SF3B6: variants seen among roughly 807,000 people sequenced by gnomAD.
The protein encoded by SF3B6 is SF3b 14 kDa subunit.
Under a neutral mutation model 15.9 loss-of-function variants are expected in SF3B6, and 3 were observed. The ratio of observed to expected loss-of-function variants is 0.19; its 90% confidence interval spans 0.09 to 0.49. The LOEUF (loss-of-function observed/expected upper bound fraction) is 0.49. Among genes scored for constraint, SF3B6 ranks in the 20% least tolerant of loss-of-function variants. SF3B6 has a pLI of 0.97. For missense variants in SF3B6, 71 were observed against 154.3 expected, an observed-to-expected ratio of 0.46 and a Z score of 2.86; for synonymous variants, 49 against 51.1, an observed-to-expected ratio of 0.96 and a Z score of 0.18.
rs993438460 is a variant in SF3B6 at position 24,074,088 on chromosome 2, C to T, written c.137G>A (p.Arg46His). The T allele has an allele frequency of 1.0e-5, 16 of 1,570,744 alleles. No individual in the cohort carries two copies. The highest frequency in any genetic ancestry group is 5.1e-5 in the Admixed American group (3 of 58,942). The change falls in exon 2 of 4, where the codon CGT (arginine) becomes CAT (histidine). Residue 46 changes from arginine (R) to histidine (H), a missense_variant. Coordinates refer to ENST00000233468, the MANE Select transcript of SF3B6 (RefSeq NM_016047.4). ...CAGTAAGACTCACACTCTGATTTGA[C>T]GAATAGGTCCATATTTCCCAAATAT... ...YDIFGKYGPIRQIRVGNTPET... is the reference protein window; with the variant it reads ...YDIFGKYGPIHQIRVGNTPET...
chr2:24,067,982 T>C (rs1483708934), intron 3 of SF3B6, 131 bp from the exon 4 acceptor site: 3 of 782,672 alleles, frequency 3.8e-6, no homozygotes, highest in Non-Finnish European at 4.2e-6. Context: ...CTAATTCTCT[T>C]GAGACGGAGT....
chr2:24,076,317 G>T lies in SF3B6; in HGVS notation c.-88C>A. The T allele has an allele frequency of 6.6e-7, 1 of 1,513,158 alleles. No homozygotes were observed. Among genetic ancestry groups the T allele is most frequent in the Non-Finnish European group, 9.2e-7 (1 of 1,087,968 alleles). 93.7% of individuals were successfully genotyped at this position (1,513,158 alleles called of 1,614,324 possible). A position where few individuals can be genotyped will look rare whatever the true frequency, so the allele number is the denominator to read the frequency against. On this transcript the variant is annotated 5_prime_UTR_variant, in exon 1 of 4. The change creates a new upstream start codon in the 5' untranslated region. Coordinates refer to ENST00000233468, the MANE Select transcript of SF3B6 (RefSeq NM_016047.4). ...CGGGGGTTACACCGCGTTAGATGCA[G>T]GACATCAACATCCAGGACCCGCCGG...
At chr2:24,070,490 C>T (rs577837996) in intron 2 of SF3B6, among the ~76,000 whole-genome samples, 24 of 152,302 alleles carry the variant, frequency 1.6e-4, no homozygotes, top group African/African-American at 5.1e-4. Context: ...CTGTGAGCTT[C>T]GGATGCTTCA....
chr2:24,068,909 C>T (rs1489999385), intron 2 of SF3B6, among the ~76,000 whole-genome samples: 1 of 152,204 alleles, frequency 6.6e-6, no homozygotes, highest in Non-Finnish European at 1.5e-5. Flanking sequence ...TGCAGTGGCA[C>T]AATCTCAGCT....
At position 24,072,385 on chromosome 2, in the gene SF3B6, C is replaced by T. The variant is rs74424706; in HGVS notation, c.149+1691G>A. 7.4e-3 allele frequency among the ~76,000 whole-genome samples: 1,122 copies of T among 152,202 alleles called. 9 individuals are homozygous for T. The highest frequency in any genetic ancestry group is 0.026 in the African/African-American group (1,077 of 41,516). On this transcript the variant is annotated intron_variant, in intron 2 of 3. Coordinates refer to ENST00000233468, the MANE Select transcript of SF3B6 (RefSeq NM_016047.4). ...ACAAAAACAAAAATAATATATGGTA[C>T]GAGCCCTGGAGGAACTCACAACCTG...
intron 1 of SF3B6, among the ~76,000 whole-genome samples, chr2:24,075,981 G>A (rs1664738299): frequency 6.6e-6 from 1 of 152,048 alleles, no homozygotes; most frequent in African/African-American, 2.4e-5. Flanking sequence ...ACTGACACTA[G>A]GGTAGAGACT....
intron 2 of SF3B6, among the ~76,000 whole-genome samples, chr2:24,070,781 T>C (rs1329748072): frequency 1.3e-5 from 2 of 152,150 alleles, no homozygotes; most frequent in Non-Finnish European, 2.9e-5. Flanking sequence ...ATGATCACAG[T>C]AATGGAACAG....
chr2:24,076,252 C>T lies in SF3B6; in HGVS notation c.-23G>A, dbSNP rs745667160. 6.2e-7 allele frequency: 1 copy of T among 1,614,180 alleles called. No individual in the cohort carries two copies. Among genetic ancestry groups the T allele is most frequent in the Non-Finnish European group, 8.5e-7 (1 of 1,180,022 alleles). ...CATCTTGGCGGGCTGATGAAGTTAC[C>T]GTAGCAGATACTGAAATTCCTCCGG... is the stretch of plus-strand genomic sequence containing the variant. On this transcript the variant is annotated 5_prime_UTR_variant, in exon 1 of 4. Coordinates refer to ENST00000233468, the MANE Select transcript of SF3B6 (RefSeq NM_016047.4).
intron 3 of SF3B6, 90 bp from the exon 4 acceptor site, chr2:24,067,941 T>C: frequency 1.9e-6 from 2 of 1,028,646 alleles, no homozygotes; most frequent in East Asian, 4.7e-5. Context: ...AAAGTCATAG[T>C]AGACATATAT....
At chr2:24,073,135 A>G (rs1301252379) in intron 2 of SF3B6, among the ~76,000 whole-genome samples, 1 of 152,238 alleles carries the variant, frequency 6.6e-6, no homozygotes, top group Non-Finnish European at 1.5e-5. Context: ...AGTGTCATTC[A>G]AAAGGAGGGT....
chr2:24,076,110 A>G lies in SF3B6; in HGVS notation c.30+90T>C, dbSNP rs1006847574. 3 of 1,505,654 alleles carry G rather than the reference A, an allele frequency of 2.0e-6. No homozygotes were observed. The African/African-American group carries it at 4.1e-5, about 21-fold the overall frequency. 93.3% of individuals were successfully genotyped at this position (1,505,654 alleles called of 1,614,324 possible). ...AATTCTGGAGTTCTCCGCTCTGGGG[A>G]CGGAGGAGGAGCAAGAATGCTCCGA... On this transcript the variant is annotated intron_variant, in intron 1 of 3. Transcript: ENST00000233468.
chr2:24,076,302 A>C lies in SF3B6; in HGVS notation c.-73T>G, dbSNP rs1440413127. 1 of 1,572,720 alleles carries C rather than the reference A, an allele frequency of 6.4e-7. No individual in the cohort carries two copies. The highest frequency in any genetic ancestry group is 1.3e-5 in the African/African-American group (1 of 74,158). On this transcript the variant is annotated 5_prime_UTR_variant, in exon 1 of 4. Coordinates refer to ENST00000233468, the MANE Select transcript of SF3B6 (RefSeq NM_016047.4). ...GAGCTCGCTCGGCTTCGGGGGTTAC[A>C]CCGCGTTAGATGCAGGACATCAACA...
chr2:24,072,534 T>C (rs1326164845), intron 2 of SF3B6, among the ~76,000 whole-genome samples: 1 of 152,164 alleles, frequency 6.6e-6, no homozygotes, highest in Non-Finnish European at 1.5e-5. Context: ...ACTGATAAAG[T>C]ACCTTCACAG....
chr2:24,068,375 C>T lies in SF3B6; in HGVS notation c.234G>A (p.Ser78=), dbSNP rs760800636. 3.7e-6 allele frequency: 6 copies of T among 1,613,980 alleles called. No individual in the cohort carries two copies. In the African/African-American group the frequency reaches 4.0e-5, roughly 11 times the overall value. ...GGTATCTGTTACAAACATTGAATCCCGATAGGTGATCACATGCATTCTTGG... is the reference window on the plus strand; with the variant it reads ...GGTATCTGTTACAAACATTGAATCCTGATAGGTGATCACATGCATTCTTGG... The part of the protein sequence containing the change: ...FDAKNACDHL[S]GFNVCNRYLV... Residue 78 remains serine (S), a synonymous_variant, in exon 3 of 4, where the codon TCG becomes TCA. Coordinates refer to ENST00000233468, the MANE Select transcript of SF3B6 (RefSeq NM_016047.4).
At chr2:24,075,496 G>A (rs183354139) in intron 1 of SF3B6, among the ~76,000 whole-genome samples, 2 of 151,202 alleles carry the variant, frequency 1.3e-5, no homozygotes, top group East Asian at 1.9e-4. Flanking sequence ...CCAAAAGTGC[G>A]GGGATTACAG....
chr2:24,076,159 C>T (rs1410745046), intron 1 of SF3B6, 41 bp downstream of exon 1: 2 of 1,613,848 alleles, frequency 1.2e-6, no homozygotes, highest in East Asian at 2.2e-5. Flanking sequence ...GAAAGTCAAA[C>T]CCGAAGTTCT....
intron 2 of SF3B6, among the ~76,000 whole-genome samples, chr2:24,068,805 C>A (rs1664603940): frequency 6.6e-6 from 1 of 152,132 alleles, no homozygotes; most frequent in South Asian, 2.1e-4. Flanking sequence ...CTCTTGCCAC[C>A]CTGACTGGCT....
Position 24,076,305 on chromosome 2 carries a change from G to T in SF3B6, c.-76C>A. 1 of 1,558,978 alleles carries T rather than the reference G, an allele frequency of 6.4e-7. No individual in the cohort carries two copies. The highest frequency in any genetic ancestry group is 8.9e-7 in the Non-Finnish European group (1 of 1,129,694). ...CTCGCTCGGCTTCGGGGGTTACACCGCGTTAGATGCAGGACATCAACATCC... is the reference window on the plus strand; with the variant it reads ...CTCGCTCGGCTTCGGGGGTTACACCTCGTTAGATGCAGGACATCAACATCC... On this transcript the variant is annotated 5_prime_UTR_variant, in exon 1 of 4. Coordinates refer to ENST00000233468, the MANE Select transcript of SF3B6 (RefSeq NM_016047.4).
chr2:24,076,055 G>T, intron 1 of SF3B6, 145 bp downstream of exon 1: 1 of 1,047,386 alleles, frequency 9.5e-7, no homozygotes, highest in Non-Finnish European at 1.5e-6. Context: ...TGAGGATGGG[G>T]CCGGATAGTG....
Sources: gnomAD v4.1 joint callset for allele counts (sites outside exome capture counted in the v4.1 genomes callset) on GRCh38, gnomAD v4.1.1 for gene constraint, MANE v1.5 for transcripts, NCBI Gene and HGNC (gene_info 2026-07-23, HGNC 2026-07-21) for gene names.